Variants in TGFBI observed in about 807,000 individuals in gnomAD.
The protein encoded by TGFBI is transforming growth factor beta induced.
Under a neutral mutation model 73.7 loss-of-function variants are expected in TGFBI, and 50 were observed. The ratio of observed to expected loss-of-function variants is 0.68; its 90% CI spans 0.54 to 0.86. The LOEUF is 0.86. TGFBI is among the 40% of genes least tolerant of loss of function. TGFBI has a pLI of 0.00. For missense variants in TGFBI, 839 were observed against 877.0 expected, an observed-to-expected ratio of 0.96 and a Z score of 0.55; for synonymous variants, 362 against 360.5, an observed-to-expected ratio of 1.00 and a Z score of -0.05.
chr5:136,049,672 C>A, intron 7 of TGFBI, 92 bp downstream of exon 7: 1 of 1,447,316 alleles, frequency 6.9e-7, no homozygotes, highest in Non-Finnish European at 9.4e-7. Flanking sequence ...TACCACCTGC[C>A]ATGAGGTGAC....
chr5:136,036,468 C>T (rs1429144346), intron 2 of TGFBI, among the ~76,000 whole-genome samples: 2 of 152,130 alleles, frequency 1.3e-5, no homozygotes, highest in Non-Finnish European at 2.9e-5. Context: ...GTGGAGCTGC[C>T]CTGGAAAAGA....
In TGFBI at chr5:136,046,925, G is replaced by C; in HGVS notation, c.534G>C (p.Arg178Ser). Residue 178 changes from arginine (R) to serine (S), a missense_variant, in exon 5 of 17, where the codon AGG (arginine) becomes AGC (serine). By Grantham distance (110) the Arg-to-Ser change is moderately radical. Coordinates refer to ENST00000442011, the MANE Select transcript of TGFBI (RefSeq NM_000358.3). ...CCCTCCGCTACCATATGGTGGGCAG[G>C]CGAGTCCTGACTGATGAGCTGAAAC... is the stretch of plus-strand genomic sequence containing the variant. ...LNALRYHMVG[R>S]RVLTDELKHG... The C allele has an allele frequency of 6.2e-7, 1 of 1,613,802 alleles. No homozygotes were observed.
chr5:136,052,077 G>C (rs188037921), intron 7 of TGFBI, among the ~76,000 whole-genome samples: 5 of 152,342 alleles, frequency 3.3e-5, no homozygotes, highest in East Asian at 1.9e-4. Flanking sequence ...GGTTGGGGGG[G>C]GCTCCTCCTC....
intron 7 of TGFBI, among the ~76,000 whole-genome samples, chr5:136,049,992 C>T (rs1176852165): frequency 1.2e-4 from 18 of 152,210 alleles, no homozygotes; most frequent in African/African-American, 4.3e-4. Context: ...CTTCACTATT[C>T]TTCTCTGTGG....
At position 136,054,813 on chromosome 5, in the gene TGFBI, C is replaced by T; in HGVS notation, c.1362C>T (p.Thr454=). Residue 454 remains threonine (T), a synonymous_variant, in exon 10 of 17, where the codon ACC becomes ACT. Coordinates refer to ENST00000442011, the MANE Select transcript of TGFBI (RefSeq NM_000358.3). ...LASKYLYHGQ[T]LETLGGKKLR... ...CTAAGTATCTGTACCATGGACAGAC[C>T]CTGGAAACTCTGGGCGGCAAAAAAC... 1 of 1,613,828 alleles carries T rather than the reference C, an allele frequency of 6.2e-7. No individual in the cohort carries two copies. The highest frequency in any genetic ancestry group is 8.5e-7 in the Non-Finnish European group (1 of 1,179,852).
intron 2 of TGFBI, among the ~76,000 whole-genome samples, chr5:136,042,417 C>A (rs1165537168): frequency 6.6e-6 from 1 of 152,226 alleles, no homozygotes; most frequent in Non-Finnish European, 1.5e-5. Flanking sequence ...TGATGGATCA[C>A]AAGTCAAATC....
rs187566032 is a variant in TGFBI at position 136,050,839 on chromosome 5, G to A, written c.913+1259G>A. 8.5e-5 allele frequency among the ~76,000 whole-genome samples: 13 copies of A among 152,320 alleles called. No homozygotes were observed. The East Asian group carries it at 1.7e-3, about 20-fold the overall frequency. On this transcript the variant is annotated intron_variant, in intron 7 of 16. Transcript: ENST00000442011. ...CAGATGGGAAGACGGGATTTGTTCCGTGTCCAGGTGATTATGGTACCTCTA... is the reference window on the plus strand; with the variant it reads ...CAGATGGGAAGACGGGATTTGTTCCATGTCCAGGTGATTATGGTACCTCTA...
chr5:136,032,078 A>G lies in TGFBI; in HGVS notation c.135-1685A>G, dbSNP rs574535475. Reference sequence around the variant, plus strand: ...AACAATAAATAGGACCGGGGGCTGGAGTATGGCCAGCAAGGACTCTTCAGG... The same window carrying G: ...AACAATAAATAGGACCGGGGGCTGGGGTATGGCCAGCAAGGACTCTTCAGG... On this transcript the variant is annotated intron_variant, in intron 1 of 16. Transcript: ENST00000442011. 1.0e-3 allele frequency among the ~76,000 whole-genome samples: 157 copies of G among 152,318 alleles called. 1 individual carries two copies. The Middle Eastern group carries it at 0.014, about 13-fold the overall frequency.
At chr5:136,055,384 T>C in intron 10 of TGFBI, 1 of 298,186 alleles carries the variant, frequency 3.4e-6, no homozygotes, top group Non-Finnish European at 6.2e-6. Flanking sequence ...AATAAATGGG[T>C]TCAACGTATT....
chr5:136,047,241 T>G, intron 5 of TGFBI, 33 bp from the exon 6 acceptor site: 1 of 1,611,598 alleles, frequency 6.2e-7, no homozygotes, highest in Non-Finnish European at 8.5e-7. Context: ...CTCTGTTGTG[T>G]TGACTGCTCA....
chr5:136,031,987 G>A (rs1162052095), intron 1 of TGFBI, among the ~76,000 whole-genome samples: 3 of 152,198 alleles, frequency 2.0e-5, no homozygotes, highest in Non-Finnish European at 2.9e-5. Context: ...TACGGAAAGT[G>A]GCAGGGAATT....
At chr5:136,058,872 T>C in intron 12 of TGFBI, 1 of 494,958 alleles carries the variant, frequency 2.0e-6, no homozygotes, top group South Asian at 3.7e-5. Flanking sequence ...TGGGGCAGAT[T>C]TGTGGTCATG....
At position 136,063,176 on chromosome 5, in the gene TGFBI, T is replaced by C; in HGVS notation, c.2012-10T>C. The stretch of plus-strand genomic sequence containing the variant: ...GCACCTATTTGACGTTACCAACTTC[T>C]CTTTTTCAGCCCCTGTCTATCAAAA... On this transcript the variant is annotated splice_polypyrimidine_tract_variant and intron_variant, in intron 16 of 16. Coordinates refer to ENST00000442011, the MANE Select transcript of TGFBI (RefSeq NM_000358.3). The C allele has an allele frequency of 6.2e-7, 1 of 1,613,378 alleles. No individual in the cohort carries two copies. The highest frequency in any genetic ancestry group is 8.5e-7 in the Non-Finnish European group (1 of 1,179,386).
chr5:136,056,229 A>G (rs1751629462), intron 11 of TGFBI, among the ~76,000 whole-genome samples: 1 of 152,164 alleles, frequency 6.6e-6, no homozygotes, highest in Non-Finnish European at 1.5e-5. Context: ...TTGCCCGGCT[A>G]TCTCCATTTC....
chr5:136,043,034 A>G (rs1341182379), intron 2 of TGFBI, among the ~76,000 whole-genome samples: 1 of 152,208 alleles, frequency 6.6e-6, no homozygotes, highest in Admixed American at 6.5e-5. Context: ...AACCCGCTGC[A>G]ATTAAAGTCT....
chr5:136,049,361 C>A (rs1360152795), intron 6 of TGFBI, 78 bp from the exon 7 acceptor site: 8 of 1,549,326 alleles, frequency 5.2e-6, no homozygotes, highest in Non-Finnish European at 6.1e-6. Flanking sequence ...TGCGGGGAAC[C>A]AGTGAAGCTG....
At position 136,054,133 on chromosome 5, in the gene TGFBI, C is replaced by T. The variant is rs1451689904; in HGVS notation, c.1264+53C>T. On this transcript the variant is annotated intron_variant, in intron 9 of 16. Transcript: ENST00000442011. ...ATTGTCCCTGGAGGCAGCTTCCCCACCCCTGTCACCTCCACAACACTCTCC... is the reference window on the plus strand; with the variant it reads ...ATTGTCCCTGGAGGCAGCTTCCCCATCCCTGTCACCTCCACAACACTCTCC... 4.4e-6 allele frequency: 7 copies of T among 1,590,054 alleles called. No homozygotes were observed. In the South Asian group the frequency reaches 4.5e-5, roughly 10 times the overall value.
chr5:136,045,271 G>A (rs189595019), intron 3 of TGFBI, among the ~76,000 whole-genome samples: 7 of 152,202 alleles, frequency 4.6e-5, no homozygotes, highest in Non-Finnish European at 8.8e-5. Context: ...GGCTGGGCAC[G>A]GTGGCTCACG....
intron 2 of TGFBI, among the ~76,000 whole-genome samples, chr5:136,043,408 A>G (rs751593190): frequency 8.5e-5 from 13 of 152,378 alleles, no homozygotes; most frequent in South Asian, 6.2e-4. Context: ...TTAAAAAATA[A>G]AAAGTAAGTA....
Sources: allele counts gnomAD v4.1 joint callset (sites outside exome capture counted in the v4.1 genomes callset), GRCh38; gene constraint gnomAD v4.1.1; transcripts MANE v1.5; gene names NCBI Gene and HGNC (gene_info 2026-07-23, HGNC 2026-07-21).